The following ATP2B2 variants were observed in gnomAD, a reference collection of about 807,000 sequenced individuals.
ATP2B2 encodes the protein ATPase plasma membrane Ca2+ transporting 2, also known as plasma membrane calcium-transporting ATPase 2.
Under a neutral mutation model 120.0 loss-of-function variants are expected in ATP2B2, and 15 were observed. That is an observed-to-expected ratio of 0.12 (90% CI 0.08 to 0.19). The LOEUF is 0.19. Ranked by LOEUF, ATP2B2 falls within the 10% of genes least tolerant of loss-of-function variation. The probability of loss-of-function intolerance (pLI) is 1.00; values close to 1 mark genes in which losing one functional copy is unlikely to be tolerated. For synonymous variants in ATP2B2, 694 were observed against 700.3 expected (o/e 0.99, Z 0.14); for missense variants, 1,045 against 1,719.8 (o/e 0.61, Z 6.94).
At chr3:10,520,105 C>T (rs987875914) in intron 3 of ATP2B2, among the ~76,000 whole-genome samples, 2 of 152,200 alleles carry the variant, frequency 1.3e-5, no homozygotes, top group Admixed American at 6.5e-5. Flanking sequence ...ACTCTATTCC[C>T]AACCTCAAAG....
At chr3:10,661,392 T>A (rs2070776521) in intron 1 of ATP2B2, among the ~76,000 whole-genome samples, 1 of 152,188 alleles carries the variant, frequency 6.6e-6, no homozygotes. Flanking sequence ...ATAAGCAACT[T>A]CAGCAAAGTC....
intron 2 of ATP2B2, among the ~76,000 whole-genome samples, chr3:10,575,133 C>T (rs2068215196): frequency 6.6e-6 from 1 of 152,108 alleles, no homozygotes; most frequent in African/African-American, 2.4e-5. Context: ...GGGGAGAAAG[C>T]TGAAAGAAAG....
At chr3:10,441,226 C>A (rs1043874652) in intron 2 of ATP2B2, among the ~76,000 whole-genome samples, 1 of 152,136 alleles carries the variant, frequency 6.6e-6, no homozygotes, top group Non-Finnish European at 1.5e-5. Context: ...TTGATTCCTG[C>A]CTGCCTCTGT....
chr3:10,354,898 G>C (rs1446977779), intron 14 of ATP2B2, among the ~76,000 whole-genome samples: 1 of 152,198 alleles, frequency 6.6e-6, no homozygotes. Flanking sequence ...GATTTACAGA[G>C]GGTGACAAAT....
At chr3:10,575,848 C>T (rs190336734) in intron 2 of ATP2B2, among the ~76,000 whole-genome samples, 2 of 152,188 alleles carry the variant, frequency 1.3e-5, no homozygotes, top group East Asian at 1.9e-4. Context: ...CCTAGAGAAG[C>T]GCTAGTTATT....
chr3:10,364,356 T>G (rs1178817831), intron 12 of ATP2B2, among the ~76,000 whole-genome samples: 1 of 152,130 alleles, frequency 6.6e-6, no homozygotes, highest in Non-Finnish European at 1.5e-5. Flanking sequence ...AATGGTCAAG[T>G]TTGTAAATTT....
At chr3:10,609,950 C>T (rs1467512551) in intron 2 of ATP2B2, among the ~76,000 whole-genome samples, 4 of 152,032 alleles carry the variant, frequency 2.6e-5, no homozygotes, top group South Asian at 4.2e-4. Flanking sequence ...TCTCCATTTC[C>T]GCCAATGGGC....
chr3:10,610,808 G>T (rs2069213727), intron 2 of ATP2B2, among the ~76,000 whole-genome samples: 1 of 152,172 alleles, frequency 6.6e-6, no homozygotes, highest in Non-Finnish European at 1.5e-5. Context: ...ACCTTAGGCT[G>T]GTCTCTCTGG....
chr3:10,693,016 T>C (rs994893209), intron 1 of ATP2B2, among the ~76,000 whole-genome samples: 1 of 152,132 alleles, frequency 6.6e-6, no homozygotes, highest in Non-Finnish European at 1.5e-5. Flanking sequence ...TGGGGGCAGA[T>C]AGAAGATGTA....
intron 1 of ATP2B2, among the ~76,000 whole-genome samples, chr3:10,706,256 T>A (rs573945842): frequency 6.6e-6 from 1 of 152,154 alleles, no homozygotes; most frequent in Non-Finnish European, 1.5e-5. Context: ...ATAGTACCCC[T>A]GGGGGAAGGA....
intron 2 of ATP2B2, among the ~76,000 whole-genome samples, chr3:10,610,345 T>G (rs149630749): frequency 6.6e-6 from 1 of 152,002 alleles, no homozygotes; most frequent in African/African-American, 2.4e-5. Flanking sequence ...AGATCACAGA[T>G]ACTATCCATC....
At chr3:10,496,969 T>C (rs1430397070) in intron 1 of ATP2B2, among the ~76,000 whole-genome samples, 1 of 152,138 alleles carries the variant, frequency 6.6e-6, no homozygotes, top group East Asian at 1.9e-4. Flanking sequence ...CAGGAGGGAA[T>C]TTTGCTGTGT....
At chr3:10,411,663 A>G (rs1435203269) in intron 2 of ATP2B2, among the ~76,000 whole-genome samples, 2 of 152,186 alleles carry the variant, frequency 1.3e-5, no homozygotes, top group Non-Finnish European at 2.9e-5. Context: ...GTGGTCCATG[A>G]GCATTTATTG....
At chr3:10,436,245 A>G (rs976520716) in intron 2 of ATP2B2, among the ~76,000 whole-genome samples, 1 of 152,256 alleles carries the variant, frequency 6.6e-6, no homozygotes, top group Non-Finnish European at 1.5e-5. Context: ...TATATTTTAA[A>G]AGGCAACAAA....
intron 1 of ATP2B2, among the ~76,000 whole-genome samples, chr3:10,484,820 G>A (rs2065573334): frequency 6.6e-6 from 1 of 152,254 alleles, no homozygotes; most frequent in African/African-American, 2.4e-5. Flanking sequence ...TGAAGGAGAA[G>A]CAATGAGTCT....
intron 2 of ATP2B2, among the ~76,000 whole-genome samples, chr3:10,563,303 G>A (rs1184734501): frequency 6.6e-6 from 1 of 152,038 alleles, no homozygotes; most frequent in Non-Finnish European, 1.5e-5. Flanking sequence ...AGCAGTGGCT[G>A]GATCAGGAAT....
At chr3:10,450,685 T>A (rs2125187345) in intron 1 of ATP2B2, among the ~76,000 whole-genome samples, 2 of 149,032 alleles carry the variant, frequency 1.3e-5, no homozygotes, top group South Asian at 4.3e-4. Flanking sequence ...GGGAGGGGGG[T>A]CCCTATGGAC....
intron 22 of ATP2B2, chr3:10,331,850 G>A: frequency 1.2e-6 from 1 of 817,678 alleles, no homozygotes; most frequent in Non-Finnish European, 1.9e-6. Context: ...CGTTGTCAGA[G>A]GGCTCTGAGA....
At chr3:10,649,352 G>T (rs2070394611) in intron 1 of ATP2B2, among the ~76,000 whole-genome samples, 1 of 152,134 alleles carries the variant, frequency 6.6e-6, no homozygotes, top group Non-Finnish European at 1.5e-5. Context: ...AAATTATATT[G>T]GATACCACTG....
Sources: allele counts gnomAD v4.1 joint callset (sites outside exome capture counted in the v4.1 genomes callset), GRCh38; gene constraint gnomAD v4.1.1; transcripts MANE v1.5; gene names NCBI Gene and HGNC (gene_info 2026-07-23, HGNC 2026-07-21).